MTA3: variants seen among roughly 807,000 people sequenced by gnomAD.
MTA3 encodes metastasis associated 1 family member 3.
Under a neutral mutation model 83.5 loss-of-function variants are expected in MTA3, and 34 were observed. That is an observed-to-expected ratio of 0.41 (90% CI 0.31 to 0.54). MTA3 has a LOEUF of 0.54. Ranked by LOEUF, MTA3 falls within the 20% of genes least tolerant of loss-of-function variation. The pLI is 0.33. For synonymous variants in MTA3, 303 were observed against 252.7 expected, an observed-to-expected ratio of 1.20 and a Z score of -1.89; for missense variants, 761 against 726.4, an observed-to-expected ratio of 1.05 and a Z score of -0.55.
intron 2 of MTA3, among the ~76,000 whole-genome samples, chr2:42,542,262 C>T (rs1037926091): frequency 2.0e-5 from 3 of 152,170 alleles, no homozygotes; most frequent in Non-Finnish European, 4.4e-5. Context: ...CTGAGCCCAT[C>T]TCTGCGAAGG....
At chr2:42,683,669 C>T (rs1692129272) in intron 9 of MTA3, among the ~76,000 whole-genome samples, 1 of 152,238 alleles carries the variant, frequency 6.6e-6, no homozygotes, top group Non-Finnish European at 1.5e-5. Context: ...GCATTAGATT[C>T]TCATAAGAAG....
chr2:42,609,434 ATTC>A, intron 3 of MTA3, 21 bp from the exon 4 acceptor site: 1 of 1,610,728 alleles, frequency 6.2e-7, no homozygotes, highest in Non-Finnish European at 8.5e-7. Context: ...GTACTAATAA[ATTC>A]TTTGAATTTT....
intron 2 of MTA3, among the ~76,000 whole-genome samples, chr2:42,501,790 C>T (rs1006124276): frequency 1.3e-5 from 2 of 152,050 alleles, no homozygotes; most frequent in Non-Finnish European, 2.9e-5. Context: ...CCAGCCTGGG[C>T]AACATGGTGA....
At chr2:42,650,709 A>G (rs112928804) in intron 6 of MTA3, among the ~76,000 whole-genome samples, 2,202 of 152,266 alleles carry the variant, frequency 0.014, 54 homozygotes, top group African/African-American at 0.049. Flanking sequence ...GATTACAGGC[A>G]TGAGCCACCG....
At chr2:42,528,324 A>G (rs556434786) in intron 2 of MTA3, among the ~76,000 whole-genome samples, 2 of 151,390 alleles carry the variant, frequency 1.3e-5, no homozygotes, top group African/African-American at 4.9e-5. Flanking sequence ...GGTCCAAGCT[A>G]TTCTCCTGCC....
At position 42,744,896 on chromosome 2, in the gene MTA3, G is replaced by A. The variant is rs1669302194; in HGVS notation, c.1760-8478G>A. Among the ~76,000 whole-genome samples, 4 of 152,138 alleles carry A rather than the reference G, an allele frequency of 2.6e-5. No homozygotes were observed. The South Asian group carries it at 8.3e-4, about 32-fold the overall frequency. Reference sequence around the variant, plus strand: ...AATCTGTTCACGTCCTCATGAAGAAGTGAGGAGAAGCCTTCTGAATCTGCA... The same window carrying A: ...AATCTGTTCACGTCCTCATGAAGAAATGAGGAGAAGCCTTCTGAATCTGCA... On this transcript the variant is annotated intron_variant, in intron 16 of 16. Coordinates refer to ENST00000405094, the MANE Select transcript of MTA3 (RefSeq NM_001330442.2).
At chr2:42,504,818 A>C (rs1259465864) in intron 2 of MTA3, among the ~76,000 whole-genome samples, 1 of 152,134 alleles carries the variant, frequency 6.6e-6, no homozygotes, top group African/African-American at 2.4e-5. Context: ...TTATTCAAGC[A>C]AAAGAAACAC....
Position 42,719,009 on chromosome 2 carries a change from T to C in MTA3, c.1547T>C (p.Leu516Pro), listed in dbSNP as rs1375984399. Residue 516 changes from leucine to proline, a missense_variant, in exon 15 of 17, where the codon CTA (leucine) becomes CCA (proline). Physicochemically the swap from Leu to Pro is moderately conservative, Grantham distance 98 (BLOSUM62 -3). Coordinates refer to ENST00000405094, the MANE Select transcript of MTA3 (RefSeq NM_001330442.2). ...RAEYADRHAELSGSPLKSKST... is the reference protein window; with the variant it reads ...RAEYADRHAEPSGSPLKSKST... ...TCAGATGCAGACAGACATGCTGAAC[T>C]ATCTGGAAGTCCACTGAAAAGCAAA... is the stretch of plus-strand genomic sequence containing the variant. 6.5e-7 allele frequency: 1 copy of C among 1,550,308 alleles called. No individual in the cohort carries two copies. The highest frequency in any genetic ancestry group is 2.0e-5 in the Admixed American group (1 of 50,986).
At position 42,643,625 on chromosome 2, in the gene MTA3, T is replaced by C. The variant is rs116544699; in HGVS notation, c.382-502T>C. Among the ~76,000 whole-genome samples the C allele has an allele frequency of 6.5e-3, 990 of 152,346 alleles. 11 individuals are homozygous for C. Among genetic ancestry groups the C allele is most frequent in the African/African-American group, 0.021 (858 of 41,572 alleles). On this transcript the variant is annotated intron_variant, in intron 5 of 16. Coordinates refer to ENST00000405094, the MANE Select transcript of MTA3 (RefSeq NM_001330442.2). ...TTACAAAGTGGTATTATTATAACAGTAAACCACATGTAAGTTCAACTCATG... is the reference window on the plus strand; with the variant it reads ...TTACAAAGTGGTATTATTATAACAGCAAACCACATGTAAGTTCAACTCATG...
At chr2:42,516,252 G>C (rs1675140607) in intron 2 of MTA3, among the ~76,000 whole-genome samples, 2 of 152,252 alleles carry the variant, frequency 1.3e-5, no homozygotes, top group African/African-American at 4.8e-5. Flanking sequence ...TAAAAGCTCA[G>C]TCAATATTAA....
chr2:42,641,860 T>C (rs1687725811), intron 5 of MTA3, among the ~76,000 whole-genome samples: 1 of 151,550 alleles, frequency 6.6e-6, no homozygotes, highest in Non-Finnish European at 1.5e-5. Context: ...GAGTGAGACC[T>C]TGTCTTAAAA....
At chr2:42,668,157 A>G (rs1297496373) in intron 8 of MTA3, among the ~76,000 whole-genome samples, 1 of 152,132 alleles carries the variant, frequency 6.6e-6, no homozygotes, top group African/African-American at 2.4e-5. Context: ...AGGATTCAGA[A>G]CTCAGTGGAA....
intron 8 of MTA3, among the ~76,000 whole-genome samples, chr2:42,667,053 C>T (rs1259115987): frequency 6.6e-6 from 1 of 152,130 alleles, no homozygotes; most frequent in East Asian, 1.9e-4. Context: ...AAGTTTTAAG[C>T]ATACCATGCA....
intron 2 of MTA3, among the ~76,000 whole-genome samples, chr2:42,525,624 TA>T (rs1553337696): frequency 1.3e-5 from 1 of 79,298 alleles, no homozygotes; most frequent in African/African-American, 4.9e-5. Flanking sequence ...CCTTCCTTCC[TA>T]CTTTCTTTCT....
intron 2 of MTA3, among the ~76,000 whole-genome samples, chr2:42,549,114 A>C (rs1172555156): frequency 7.2e-6 from 1 of 138,466 alleles, no homozygotes; most frequent in Non-Finnish European, 1.5e-5. Context: ...CGGAGCTTGC[A>C]GTGAGCCGAG....
intron 4 of MTA3, among the ~76,000 whole-genome samples, chr2:42,610,982 CTTTTTTTT>C (rs773889459): frequency 1.5e-5 from 2 of 136,000 alleles, no homozygotes. Flanking sequence ...CTTTTCTTTT[CTTTTTTTT>C]TTTTTTTTTG....
At chr2:42,638,943 G>GT (rs926470202) in intron 4 of MTA3, among the ~76,000 whole-genome samples, 4 of 150,456 alleles carry the variant, frequency 2.7e-5, no homozygotes, top group African/African-American at 9.8e-5. Flanking sequence ...TTAGCAAGCT[G>GT]TTTTGACCAA....
chr2:42,551,870 G>T (rs1418686518), intron 2 of MTA3, among the ~76,000 whole-genome samples: 1 of 151,990 alleles, frequency 6.6e-6, no homozygotes, highest in Non-Finnish European at 1.5e-5. Flanking sequence ...GGGATTACAG[G>T]CACCCGCCAC....
At chr2:42,497,190 G>C (rs1364069712) in intron 2 of MTA3, among the ~76,000 whole-genome samples, 2 of 151,460 alleles carry the variant, frequency 1.3e-5, no homozygotes, top group Admixed American at 1.3e-4. Context: ...TGGGCTACAA[G>C]AGCAAAACTC....
Sources: gnomAD v4.1 joint callset for allele counts (sites outside exome capture counted in the v4.1 genomes callset) on GRCh38, gnomAD v4.1.1 for gene constraint, MANE v1.5 for transcripts, NCBI Gene and HGNC (gene_info 2026-07-23, HGNC 2026-07-21) for gene names.